Variants in ADGRB3 observed in about 807,000 individuals in gnomAD.
ADGRB3 encodes the protein adhesion G protein-coupled receptor B3, also known as brain-specific angiogenesis inhibitor 3.
Under a neutral mutation model 193.4 loss-of-function variants are expected in ADGRB3, and 37 were observed. That is an observed-to-expected ratio of 0.19 (90% confidence interval 0.15 to 0.25). The LOEUF is 0.25. ADGRB3 is among the 10% of genes least tolerant of loss of function. The pLI is 1.00. For missense variants in ADGRB3, 1,637 were observed against 1,852.9 expected (o/e 0.88, Z 2.14); for synonymous variants, 690 against 644.2 (o/e 1.07, Z -1.08).
intron 3 of ADGRB3, among the ~76,000 whole-genome samples, chr6:68,775,682 C>T (rs1427249445): frequency 6.6e-6 from 1 of 152,084 alleles, no homozygotes; most frequent in Non-Finnish European, 1.5e-5. Flanking sequence ...TAGCAAGACT[C>T]CATTTTGTGT....
intron 5 of ADGRB3, 78 bp downstream of exon 5, chr6:68,936,758 C>A: frequency 6.9e-7 from 1 of 1,457,440 alleles, no homozygotes; most frequent in Non-Finnish European, 9.3e-7. Flanking sequence ...TTGTTATTTT[C>A]ATATGAAACG....
intron 17 of ADGRB3, among the ~76,000 whole-genome samples, chr6:69,198,527 C>A (rs116337397): frequency 0.011 from 1,665 of 152,050 alleles, 33 homozygotes; most frequent in African/African-American, 0.038. Context: ...TGAGCAGATA[C>A]CTGAATAAAG....
At chr6:68,809,283 G>T (rs781492978) in intron 3 of ADGRB3, among the ~76,000 whole-genome samples, 1 of 152,110 alleles carries the variant, frequency 6.6e-6, no homozygotes, top group Non-Finnish European at 1.5e-5. Context: ...TGTGATGAAG[G>T]TTCAAGTAAT....
intron 17 of ADGRB3, among the ~76,000 whole-genome samples, chr6:69,099,255 A>C (rs1582459442): frequency 1.3e-5 from 2 of 152,354 alleles, no homozygotes; most frequent in East Asian, 3.9e-4. Context: ...AAGGCTGAGA[A>C]ACTCTTTTAA....
chr6:68,943,804 G>A (rs760602670), intron 5 of ADGRB3, 26 bp from the exon 6 acceptor site: 1 of 1,550,298 alleles, frequency 6.5e-7, no homozygotes, highest in Admixed American at 1.7e-5. Context: ...TGCTTTTGTT[G>A]TTGAAGCTTC....
At chr6:69,006,333 C>T (rs1476489979) in intron 11 of ADGRB3, among the ~76,000 whole-genome samples, 1 of 151,604 alleles carries the variant, frequency 6.6e-6, no homozygotes, top group Non-Finnish European at 1.5e-5. Flanking sequence ...GAAAAAAAAA[C>T]GAGATCTACT....
chr6:68,879,577 G>A (rs1174650405), intron 3 of ADGRB3, among the ~76,000 whole-genome samples: 1 of 149,258 alleles, frequency 6.7e-6, no homozygotes, highest in Non-Finnish European at 1.5e-5. Context: ...CCAACTGGTA[G>A]CAAAAAAGGT....
chr6:69,119,584 CTT>C (rs1406124860), intron 17 of ADGRB3, among the ~76,000 whole-genome samples: 1 of 93,436 alleles, frequency 1.1e-5, no homozygotes, highest in Non-Finnish European at 2.5e-5. Flanking sequence ...GAAATAAGAT[CTT>C]TTGTTTTTGT....
chr6:69,364,943 A>G (rs1769537072), intron 29 of ADGRB3, among the ~76,000 whole-genome samples: 1 of 152,122 alleles, frequency 6.6e-6, no homozygotes. Flanking sequence ...AATCTAATTT[A>G]AACCTTGGAT....
rs144802914 is a variant in ADGRB3 at position 68,700,357 on chromosome 6, A to G, written c.757+60925A>G. Among the ~76,000 whole-genome samples the G allele has an allele frequency of 1.9e-3, 292 of 152,030 alleles. 3 individuals carry two copies. The highest frequency in any genetic ancestry group is 6.8e-3 in the African/African-American group (282 of 41,474). On this transcript the variant is annotated intron_variant, in intron 3 of 31. Transcript: ENST00000370598. ...AGTAGATCTACTTTATTTTCAAAAC[A>G]CCTTTTTTTTTCTCACTGCAATCAA...
At chr6:69,169,375 C>A (rs1202076530) in intron 17 of ADGRB3, among the ~76,000 whole-genome samples, 1 of 151,744 alleles carries the variant, frequency 6.6e-6, no homozygotes, top group African/African-American at 2.4e-5. Context: ...TGGCCAATTT[C>A]TCTTACTTAT....
chr6:69,281,858 A>T (rs962036923), intron 20 of ADGRB3, among the ~76,000 whole-genome samples: 1 of 152,248 alleles, frequency 6.6e-6, no homozygotes, highest in Admixed American at 6.5e-5. Flanking sequence ...ACAGTATATC[A>T]TAACACTGGA....
intron 17 of ADGRB3, among the ~76,000 whole-genome samples, chr6:69,112,583 G>A (rs971334048): frequency 2.6e-5 from 4 of 152,036 alleles, no homozygotes; most frequent in African/African-American, 9.7e-5. Flanking sequence ...CTATATCAAT[G>A]TGTGTGTATA....
chr6:68,642,659 T>G (rs1056243017), intron 3 of ADGRB3, among the ~76,000 whole-genome samples: 2 of 152,024 alleles, frequency 1.3e-5, no homozygotes, highest in African/African-American at 4.8e-5. Context: ...CATGTGATTA[T>G]AGAAACTCAG....
At chr6:69,057,205 G>A (rs1771569733) in intron 15 of ADGRB3, among the ~76,000 whole-genome samples, 2 of 151,984 alleles carry the variant, frequency 1.3e-5, no homozygotes, top group Admixed American at 6.6e-5. Context: ...CATTGATAAT[G>A]TATGGAAACA....
In ADGRB3 at chr6:68,662,081, C is replaced by A. The variant is rs76134882; in HGVS notation, c.757+22649C>A. ...CAAAGGGGAGCTGGTTCAAGTCGAG[C>A]CAAGTATGGTGCAGAAATGATGAGT... is the stretch of plus-strand genomic sequence containing the variant. On this transcript the variant is annotated intron_variant, in intron 3 of 31. Coordinates refer to ENST00000370598, the MANE Select transcript of ADGRB3 (RefSeq NM_001704.3). Among the ~76,000 whole-genome samples the A allele has an allele frequency of 7.3e-5, 11 of 151,380 alleles. No individual in the cohort carries two copies. In the East Asian group the frequency reaches 2.2e-3, roughly 30 times the overall value.
At chr6:68,896,070 A>C (rs1477114611) in intron 3 of ADGRB3, among the ~76,000 whole-genome samples, 1 of 152,074 alleles carries the variant, frequency 6.6e-6, no homozygotes, top group Non-Finnish European at 1.5e-5. Context: ...TGTGCTGTTA[A>C]AAAGTAATGA....
intron 20 of ADGRB3, among the ~76,000 whole-genome samples, chr6:69,278,865 C>G (rs1582600004): frequency 6.6e-6 from 1 of 151,338 alleles, no homozygotes; most frequent in Non-Finnish European, 1.5e-5. Flanking sequence ...ATAACCAATA[C>G]CTGGCATAGA....
intron 3 of ADGRB3, among the ~76,000 whole-genome samples, chr6:68,805,590 A>C (rs1028191708): frequency 6.6e-6 from 1 of 152,156 alleles, no homozygotes; most frequent in Admixed American, 6.5e-5. Context: ...GAGACCAGAG[A>C]TGAAAGATCC....
Sources: allele counts gnomAD v4.1 joint callset (sites outside exome capture counted in the v4.1 genomes callset), GRCh38; gene constraint gnomAD v4.1.1; transcripts MANE v1.5; gene names NCBI Gene and HGNC (gene_info 2026-07-23, HGNC 2026-07-21).